TNFAIP3: variants seen among roughly 807,000 people sequenced by gnomAD.
The protein encoded by TNFAIP3 is TNF alpha induced protein 3.
Under a neutral mutation model 72.4 loss-of-function variants are expected in TNFAIP3, and 9 were observed. The ratio of observed to expected loss-of-function variants is 0.12; its 90% CI spans 0.07 to 0.22. TNFAIP3 has a LOEUF of 0.22. Ranked by LOEUF, TNFAIP3 falls within the 10% of genes least tolerant of loss-of-function variation. The probability of loss-of-function intolerance (pLI) is 1.00; values close to 1 mark genes in which losing one functional copy is unlikely to be tolerated. For synonymous variants in TNFAIP3, 339 were observed against 372.6 expected (o/e 0.91, Z 1.04); for missense variants, 833 against 1,018.7 (o/e 0.82, Z 2.48).
rs1776399759 is a variant in TNFAIP3, at chr6:137,880,156, C to A, written c.1992C>A (p.Thr664=). 1 of 1,613,920 alleles carries A rather than the reference C, an allele frequency of 6.2e-7. No individual in the cohort carries two copies. The highest frequency in any genetic ancestry group is 1.3e-5 in the African/African-American group (1 of 74,856). ...CGTGCCTGGGGAGGGAATGCGGCAC[C>A]CTTGGAAGCACCATGTTTGAAGGAT... ...TIPCLGRECG[T]LGSTMFEGYC... The change falls in exon 8 of 9, where the codon ACC becomes ACA. Residue 664 remains threonine, a synonymous_variant. Transcript: ENST00000612899.
Position 137,871,609 on chromosome 6 carries a change from C to A in TNFAIP3, c.295+87C>A. 2 of 1,437,034 alleles carry A rather than the reference C, an allele frequency of 1.4e-6. No homozygotes were observed. The highest frequency in any genetic ancestry group is 1.9e-6 in the Non-Finnish European group (2 of 1,061,150). The allele number at this position is 1,437,034 out of a possible 1,614,324, so 89.0% of individuals were successfully genotyped here. A position where few individuals can be genotyped will look rare whatever the true frequency, so the allele number is the denominator to read the frequency against. ...ATTCATGAAGCTTTAATAGGACAAG[C>A]CCAAACTCAAATCAATCTTGAGATT... On this transcript the variant is annotated intron_variant, in intron 2 of 8. Transcript: ENST00000612899. This position sits in a 1 kb window ranked among gnomAD's most constrained non-coding sequence, Gnocchi z 4.2.
At position 137,875,838 on chromosome 6, in the gene TNFAIP3, G is replaced by A. The variant is rs2114483417; in HGVS notation, c.634+3G>A. 6.2e-7 allele frequency: 1 copy of A among 1,614,146 alleles called. No homozygotes were observed. The highest frequency in any genetic ancestry group is 8.5e-7 in the Non-Finnish European group (1 of 1,180,020). On this transcript the variant is annotated splice_donor_region_variant and intron_variant, in intron 4 of 8. Transcript: ENST00000612899. Reference sequence around the variant, plus strand: ...AAGGCCAATCATTGTCATTTCAGGTGAGATGCCTGCAGATCACGGATCTGT... The same window carrying A: ...AAGGCCAATCATTGTCATTTCAGGTAAGATGCCTGCAGATCACGGATCTGT...
Position 137,882,540 on chromosome 6 carries a change from C to G in TNFAIP3, c.*1221C>G, listed in dbSNP as rs1013428303. ...ACATATTCATCGATGTTTCGTGCTT[C>G]TCCTTATGAAACTCCAGCTATGTAA... On this transcript the variant is annotated 3_prime_UTR_variant, in exon 9 of 9. Coordinates refer to ENST00000612899, the MANE Select transcript of TNFAIP3 (RefSeq NM_001270508.2). The G allele has an allele frequency of 4.7e-5, 11 of 232,424 alleles. No homozygotes were observed. In the East Asian group the frequency reaches 6.6e-4, roughly 14 times the overall value. 14.4% of individuals were successfully genotyped at this position (232,424 alleles called of 1,614,324 possible). A position where few individuals can be genotyped will look rare whatever the true frequency, so the allele number is the denominator to read the frequency against.
chr6:137,879,490 A>G lies in TNFAIP3; in HGVS notation c.1906+139A>G, dbSNP rs986100134. On this transcript the variant is annotated intron_variant, in intron 7 of 8. Coordinates refer to ENST00000612899, the MANE Select transcript of TNFAIP3 (RefSeq NM_001270508.2). ...ACCGTGCTTTTCTACCAGCTTGTGC[A>G]GGGGACAGTCACGGTGGCCCTGCCA... The G allele has an allele frequency of 5.7e-6, 6 of 1,058,938 alleles. No homozygotes were observed. The Admixed American group carries it at 8.2e-5, about 14-fold the overall frequency. The allele number at this position is 1,058,938 out of a possible 1,614,324, so 65.6% of individuals were successfully genotyped here.
rs776802501 is a variant in TNFAIP3 at position 137,876,153 on chromosome 6, G to A, written c.792G>A (p.Lys264=). The A allele has an allele frequency of 1.2e-6, 2 of 1,612,790 alleles. No individual in the cohort carries two copies. Among genetic ancestry groups the A allele is most frequent in the South Asian group, 2.2e-5 (2 of 90,754 alleles). The change falls in exon 5 of 9, where the codon AAG becomes AAA. Residue 264 remains lysine, a synonymous_variant. Transcript: ENST00000612899. The part of the protein sequence containing the change: ...SHHFVPLVTL[K]DSGPEIRAVP... ...ATTTTGTACCCTTGGTGACCCTGAA[G>A]GACAGTGGGCCTGGTGAGAAAACTG...
At chr6:137,867,205 G>A (rs1775865620), upstream of TNFAIP3, 1 of 152,104 alleles carries the variant, frequency 6.6e-6, no homozygotes, top group Non-Finnish European at 1.5e-5. The surrounding 1 kb of genome is among the most constrained non-coding windows in gnomAD (Gnocchi z 6.0). Flanking sequence ...AAGTCCCGTG[G>A]AAATCCCCGG....
Position 137,878,526 on chromosome 6 carries a change from G to A in TNFAIP3, c.1081G>A (p.Glu361Lys), listed in dbSNP as rs751096907. The change falls in exon 7 of 9, where the codon GAG becomes AAG. Residue 361 changes from glutamate to lysine, a missense_variant. This residue lies in a region of TNFAIP3 where 587 missense variants were observed against 657.8 expected (regional missense o/e 0.89). Coordinates refer to ENST00000612899, the MANE Select transcript of TNFAIP3 (RefSeq NM_001270508.2). ...HEYKKWQENS[E>K]QGRREGHAQN... is the part of the protein sequence containing the mutation. The stretch of plus-strand genomic sequence containing the variant: ...GTACAAGAAATGGCAGGAAAACAGC[G>A]AGCAGGGGAGGAGAGAGGGGCACGC... 1.6e-5 allele frequency: 26 copies of A among 1,614,112 alleles called. No individual in the cohort carries two copies. In the East Asian group the frequency reaches 3.1e-4, roughly 19 times the overall value.
rs577235199 is a variant in TNFAIP3 at position 137,876,334 on chromosome 6, T to C, written c.805+168T>C. 12 of 620,300 alleles carry C rather than the reference T, an allele frequency of 1.9e-5. No homozygotes were observed. The South Asian group carries it at 2.5e-4, about 13-fold the overall frequency. 38.4% of individuals were successfully genotyped at this position (620,300 alleles called of 1,614,324 possible). On this transcript the variant is annotated intron_variant, in intron 5 of 8. Coordinates refer to ENST00000612899, the MANE Select transcript of TNFAIP3 (RefSeq NM_001270508.2). ...AGTAATGCAGTAGCAGTAATCATAA[T>C]ACCCTCATATCTTTTTGAATATGAC...
chr6:137,873,172 T>C (rs1360467351), intron 2 of TNFAIP3, among the ~76,000 whole-genome samples: 1 of 152,130 alleles, frequency 6.6e-6, no homozygotes, highest in Non-Finnish European at 1.5e-5. Flanking sequence ...GAAGAAAAGA[T>C]ATTTAGGGAG....
intron 3 of TNFAIP3, 56 bp downstream of exon 3, chr6:137,875,091 C>A: frequency 6.3e-7 from 1 of 1,596,768 alleles, no homozygotes; most frequent in Non-Finnish European, 8.6e-7. Context: ...GCATAGGGTA[C>A]CCCTGGGCGA....
In TNFAIP3 at chr6:137,881,434, G is replaced by A. The variant is rs749970403; in HGVS notation, c.*115G>A. The A allele has an allele frequency of 3.4e-5, 32 of 942,612 alleles. No homozygotes were observed. The highest frequency in any genetic ancestry group is 4.9e-5 in the Non-Finnish European group (31 of 636,360). The allele number at this position is 942,612 out of a possible 1,614,324, so 58.4% of individuals were successfully genotyped here. A position where few individuals can be genotyped will look rare whatever the true frequency, so the allele number is the denominator to read the frequency against. ...TGCAACAGTGGGCTTAAGGGTGTCT[G>A]AGCAGGAGAGGAAAGATAAGCTCTT... On this transcript the variant is annotated 3_prime_UTR_variant, in exon 9 of 9. Coordinates refer to ENST00000612899, the MANE Select transcript of TNFAIP3 (RefSeq NM_001270508.2). This position sits in a 1 kb window ranked among gnomAD's most constrained non-coding sequence, Gnocchi z 5.0.
chr6:137,875,880 C>T (rs1183432019), intron 4 of TNFAIP3, 45 bp downstream of exon 4: 6 of 1,610,626 alleles, frequency 3.7e-6, no homozygotes, highest in Admixed American at 1.7e-5. Flanking sequence ...ATGCTTTCAG[C>T]CTTATGCCTT....
At position 137,872,782 on chromosome 6, in the gene TNFAIP3, G is replaced by A. The variant is rs542907352; in HGVS notation, c.295+1260G>A. On this transcript the variant is annotated intron_variant, in intron 2 of 8. Coordinates refer to ENST00000612899, the MANE Select transcript of TNFAIP3 (RefSeq NM_001270508.2). The stretch of plus-strand genomic sequence containing the variant: ...GTGAAGTCATCATCACGGGGTTTAT[G>A]TGCCTGACAATTTGTGGTTTTAATC... 3.9e-5 allele frequency among the ~76,000 whole-genome samples: 6 copies of A among 152,294 alleles called. No homozygotes were observed. In the East Asian group the frequency reaches 9.6e-4, roughly 24 times the overall value.
At chr6:137,880,363 C>T (rs1363769430) in intron 8 of TNFAIP3, 111 bp downstream of exon 8, 1 of 1,183,920 alleles carries the variant, frequency 8.4e-7, no homozygotes, top group Non-Finnish European at 1.2e-6. Context: ...GGTTCTGTCT[C>T]CTCATGATAA....
chr6:137,879,200 C>A lies in TNFAIP3; in HGVS notation c.1755C>A (p.Asp585Glu). Residue 585 changes from aspartate to glutamate, a missense_variant, in exon 7 of 9, where the codon GAC becomes GAA. Asp to Glu is a conservative substitution (Grantham distance 45, BLOSUM62 2). Coordinates refer to ENST00000612899, the MANE Select transcript of TNFAIP3 (RefSeq NM_001270508.2). ...SPHSCHRAGN[D>E]APAGCLSQAA... ...ATTCTTGCCACAGAGCTGGAAACGACGCCCCTGCTGGCTGCCTGTCTCAAG... is the reference window on the plus strand; with the variant it reads ...ATTCTTGCCACAGAGCTGGAAACGAAGCCCCTGCTGGCTGCCTGTCTCAAG... 6.2e-7 allele frequency: 1 copy of A among 1,614,146 alleles called. No individual in the cohort carries two copies. Among genetic ancestry groups the A allele is most frequent in the Non-Finnish European group, 8.5e-7 (1 of 1,180,028 alleles).
At position 137,881,415 on chromosome 6, in the gene TNFAIP3, A is replaced by G. The variant is rs1328218842; in HGVS notation, c.*96A>G. On this transcript the variant is annotated 3_prime_UTR_variant, in exon 9 of 9. Transcript: ENST00000612899. The surrounding 1 kb of genome is among the most constrained non-coding windows in gnomAD (Gnocchi z 5.0). The stretch of plus-strand genomic sequence containing the variant: ...TGAACCCCTCAGCTGCCACTGCAAC[A>G]GTGGGCTTAAGGGTGTCTGAGCAGG... 4 of 1,133,776 alleles carry G rather than the reference A, an allele frequency of 3.5e-6. No individual in the cohort carries two copies. Among genetic ancestry groups the G allele is most frequent in the Non-Finnish European group, 5.1e-6 (4 of 790,662 alleles). The allele number at this position is 1,133,776 out of a possible 1,614,324, so 70.2% of individuals were successfully genotyped here.
At position 137,878,359 on chromosome 6, in the gene TNFAIP3, A is replaced by G. The variant is rs1358563140; in HGVS notation, c.987-73A>G. On this transcript the variant is annotated intron_variant, in intron 6 of 8. Transcript: ENST00000612899. ...AATCCACATTCTAAAACTTTGTTCTATGAGCTAATGATGTAAAATCTTGTG... is the reference window on the plus strand; with the variant it reads ...AATCCACATTCTAAAACTTTGTTCTGTGAGCTAATGATGTAAAATCTTGTG... 21 of 1,344,840 alleles carry G rather than the reference A, an allele frequency of 1.6e-5. No homozygotes were observed. The South Asian group carries it at 3.0e-4, about 19-fold the overall frequency. 83.3% of individuals were successfully genotyped at this position (1,344,840 alleles called of 1,614,324 possible). A position where few individuals can be genotyped will look rare whatever the true frequency, so the allele number is the denominator to read the frequency against.
rs61748667 is a variant in TNFAIP3 at position 137,878,747 on chromosome 6, G to A, written c.1302G>A (p.Ala434=). 3.3e-5 allele frequency: 54 copies of A among 1,613,928 alleles called. No homozygotes were observed. Among genetic ancestry groups the A allele is most frequent in the South Asian group, 5.5e-5 (5 of 91,078 alleles). Residue 434 remains alanine, a synonymous_variant, in exon 7 of 9, where the codon GCG becomes GCA. Transcript: ENST00000612899. ...KPGPEGLPGM[A]LGASRGEAYE... is the part of the protein sequence containing the mutation. ...GCCCTGAGGGGCTCCCTGGCATGGC[G>A]CTCGGGGCCTCTCGGGGAGAAGCCT...
At chr6:137,877,020 C>A in intron 5 of TNFAIP3, 56 bp from the exon 6 acceptor site, 1 of 1,309,568 alleles carries the variant, frequency 7.6e-7, no homozygotes, top group Non-Finnish European at 1.0e-6. Flanking sequence ...GATCTACTTA[C>A]CTATGGCCTT....
Sources: allele counts gnomAD v4.1 joint callset (sites outside exome capture counted in the v4.1 genomes callset), GRCh38; gene constraint gnomAD v4.1.1; regional missense constraint gnomAD v4.1.1; non-coding constraint Gnocchi (gnomAD v3.1); transcripts MANE v1.5; gene names NCBI Gene and HGNC (gene_info 2026-07-23, HGNC 2026-07-21).